Variants in FBRSL1 observed in about 807,000 individuals in gnomAD.
FBRSL1 encodes fibrosin like 1, also known as fibrosin-1-like protein.
In FBRSL1, 51 loss-of-function variants were observed where a neutral mutation model predicts 89.6. That is an observed-to-expected ratio of 0.57 (90% CI 0.45 to 0.72). FBRSL1 has a LOEUF of 0.72. Ranked by LOEUF, FBRSL1 falls within the 30% of genes least tolerant of loss-of-function variation. The probability of loss-of-function intolerance (pLI) is 0.00; values close to 1 mark genes in which losing one functional copy is unlikely to be tolerated. For missense variants in FBRSL1, 1,618 were observed against 1,451.8 expected, an observed-to-expected ratio of 1.11 and a Z score of -1.86; for synonymous variants, 779 against 681.1, an observed-to-expected ratio of 1.14 and a Z score of -2.24.
intron 5 of FBRSL1, 115 bp downstream of exon 5, chr12:132,548,147 C>A (rs556091453): frequency 1.5e-6 from 2 of 1,300,510 alleles, no homozygotes; most frequent in South Asian, 2.7e-5. Flanking sequence ...TTGGGGGGAT[C>A]CCCCCGCCCG....
At chr12:132,566,065 A>G (rs2039590773) in intron 5 of FBRSL1, 1 of 152,164 alleles carries the variant, frequency 6.6e-6, no homozygotes, top group African/African-American at 2.4e-5. Context: ...TTACATCTCA[A>G]GTCTTAGTCC....
chr12:132,507,629 A>G (rs925009800), intron 1 of FBRSL1, among the ~76,000 whole-genome samples: 3 of 152,122 alleles, frequency 2.0e-5, no homozygotes, highest in African/African-American at 7.2e-5. Context: ...TCTCTGTCCC[A>G]AATCCACAGA....
chr12:132,494,530 G>A (rs1470042962), intron 1 of FBRSL1, among the ~76,000 whole-genome samples: 1 of 152,244 alleles, frequency 6.6e-6, no homozygotes, highest in Non-Finnish European at 1.5e-5. Context: ...CCCCAGTGAC[G>A]CTGGCCATGG....
chr12:132,580,779 C>G (rs1268554964), intron 15 of FBRSL1: 25 of 985,332 alleles, frequency 2.5e-5, no homozygotes, highest in Non-Finnish European at 2.9e-5. Flanking sequence ...AGATGACGCC[C>G]TGCTGGTCTT....
At chr12:132,568,773 CCT>C (rs1301452559) in intron 6 of FBRSL1, among the ~76,000 whole-genome samples, 3 of 151,978 alleles carry the variant, frequency 2.0e-5, no homozygotes, top group Admixed American at 6.5e-5. Flanking sequence ...CCGTGGGCTC[CCT>C]CTCTCCTGTG....
chr12:132,551,632 A>G (rs1160187386), intron 5 of FBRSL1: 2 of 454,470 alleles, frequency 4.4e-6, no homozygotes, highest in Non-Finnish European at 8.9e-6. Flanking sequence ...CTGCCAATCA[A>G]GGTGGAGACT....
At chr12:132,570,681 A>C in intron 8 of FBRSL1, 141 bp downstream of exon 8, 1 of 767,760 alleles carries the variant, frequency 1.3e-6, no homozygotes, top group Non-Finnish European at 2.0e-6. Context: ...TGGTTCCCCC[A>C]GGTGTGCCTT....
At chr12:132,528,835 G>T (rs1325243967) in intron 4 of FBRSL1, among the ~76,000 whole-genome samples, 1 of 152,146 alleles carries the variant, frequency 6.6e-6, no homozygotes, top group African/African-American at 2.4e-5. Context: ...GTGTTTCAGG[G>T]TGTGCCATGC....
At chr12:132,527,865 T>A (rs1366287776) in intron 3 of FBRSL1, 88 bp from the exon 4 acceptor site, 2 of 1,289,012 alleles carry the variant, frequency 1.6e-6, no homozygotes, top group Non-Finnish European at 2.2e-6. Context: ...GGCTAAGGGC[T>A]GAGGGCTGCA....
At chr12:132,548,104 G>A (rs2137326820) in intron 5 of FBRSL1, 72 bp downstream of exon 5, 4 of 1,518,302 alleles carry the variant, frequency 2.6e-6, no homozygotes, top group South Asian at 1.2e-5. Context: ...GCCCTGTGAG[G>A]TGGGCCCTGG....
At chr12:132,577,875 A>T (rs35826119) in intron 15 of FBRSL1, among the ~76,000 whole-genome samples, 15,733 of 152,280 alleles carry the variant, frequency 0.1, 899 homozygotes, top group Middle Eastern at 0.15. Context: ...ATGGTGTCTC[A>T]GCCTGCACGG....
rs776803649 is a variant in FBRSL1 at position 132,582,086 on chromosome 12, C to T, written c.2021C>T (p.Pro674Leu). Reference protein sequence around the residue: ...ALAPGGSIFAPKEGSSVHGLP... With the variant: ...ALAPGGSIFALKEGSSVHGLP... ...GCTCCCGGTGGCAGCATCTTTGCCC[C>T]CAAGGAGGGCTCCTCCGTGCACGGC... Residue 674 changes from proline to leucine, a missense_variant, in exon 18 of 19, where the codon CCC (proline) becomes CTC (leucine). Physicochemically the swap from Pro to Leu is moderately conservative, Grantham distance 98. Transcript: ENST00000680143. 54 of 1,548,492 alleles carry T rather than the reference C, an allele frequency of 3.5e-5. No individual in the cohort carries two copies. Among genetic ancestry groups the T allele is most frequent in the Non-Finnish European group, 4.5e-5 (52 of 1,145,976 alleles).
In FBRSL1 at chr12:132,514,832, A is replaced by G. The variant is rs577452733; in HGVS notation, c.489+6482A>G. Among the ~76,000 whole-genome samples the G allele has an allele frequency of 5.1e-4, 78 of 152,316 alleles. 1 individual carries two copies. In the South Asian group the frequency reaches 0.015, roughly 30 times the overall value. Reference sequence around the variant, plus strand: ...ATAGAGTTAAGAAGAAATAAGTAAAATTCATTTTAATGAAGTATTGCGTTT... The same window carrying G: ...ATAGAGTTAAGAAGAAATAAGTAAAGTTCATTTTAATGAAGTATTGCGTTT... On this transcript the variant is annotated intron_variant, in intron 2 of 18. Transcript: ENST00000680143.
chr12:132,570,760 C>T (rs1045618503), intron 8 of FBRSL1, among the ~76,000 whole-genome samples: 46 of 152,322 alleles, frequency 3.0e-4, no homozygotes, highest in African/African-American at 9.6e-4. Context: ...TGCCCATGCA[C>T]GTACAGACGC....
Position 132,584,459 on chromosome 12 carries a change from GTTGT to G in FBRSL1, c.*686_*689del, listed in dbSNP as rs2041001630. 6.6e-6 allele frequency: 1 copy of G among 152,276 alleles called. No homozygotes were observed. Among genetic ancestry groups the G allele is most frequent in the East Asian group, 1.9e-4 (1 of 5,186 alleles). 9.4% of individuals were successfully genotyped at this position (152,276 alleles called of 1,614,324 possible). A position where few individuals can be genotyped will look rare whatever the true frequency, so the allele number is the denominator to read the frequency against. ...AAAACCGTTTCCAGAAACCCCTCTG[GTTGT>G]TTGTCTAACATGGTCACAAAAACCC... On this transcript the variant is annotated 3_prime_UTR_variant, in exon 19 of 19. Transcript: ENST00000680143.
intron 14 of FBRSL1, among the ~76,000 whole-genome samples, chr12:132,575,781 A>G (rs1049737547): frequency 2.0e-5 from 3 of 152,264 alleles, no homozygotes; most frequent in African/African-American, 7.2e-5. Context: ...GTGCCAGAGT[A>G]CCCCAGCATC....
chr12:132,528,020 G>T, intron 4 of FBRSL1, 32 bp downstream of exon 4: 1 of 1,548,918 alleles, frequency 6.5e-7, no homozygotes, highest in Non-Finnish European at 8.7e-7. Flanking sequence ...CTCCATCTTT[G>T]TCCCCCTGGG....
intron 2 of FBRSL1, chr12:132,510,894 G>A (rs1486567433): frequency 5.9e-6 from 6 of 1,008,858 alleles, no homozygotes; most frequent in African/African-American, 1.7e-5. Flanking sequence ...CTACGTGCAC[G>A]CTTGCCCCTG....
intron 1 of FBRSL1, among the ~76,000 whole-genome samples, chr12:132,503,033 C>G (rs898103100): frequency 6.6e-6 from 1 of 151,982 alleles, no homozygotes; most frequent in African/African-American, 2.4e-5. Context: ...CGCACAGGGC[C>G]AGGCCACAGC....
Sources: allele counts gnomAD v4.1 joint callset (sites outside exome capture counted in the v4.1 genomes callset), GRCh38; gene constraint gnomAD v4.1.1; transcripts MANE v1.5; gene names NCBI Gene and HGNC (gene_info 2026-07-23, HGNC 2026-07-21).